The following ADAMTS17 variants were observed in gnomAD, a reference collection of about 807,000 sequenced individuals.
ADAMTS17 encodes the protein A disintegrin and metalloproteinase with thrombospondin motifs 17.
Under a neutral mutation model 141.5 loss-of-function variants are expected in ADAMTS17, and 113 were observed. The observed-to-expected ratio is 0.80, with a 90% CI of 0.69 to 0.93. ADAMTS17 has a LOEUF of 0.93. ADAMTS17 is among the 40% of genes least tolerant of loss of function. The pLI, the probability that ADAMTS17 is intolerant of heterozygous loss-of-function variation, is 0.00. For missense variants in ADAMTS17, 1,659 were observed against 1,517.9 expected (o/e 1.09, Z -1.54); for synonymous variants, 768 against 630.6 (o/e 1.22, Z -3.27).
chr15:100,296,636 C>T (rs746463257), intron 3 of ADAMTS17, among the ~76,000 whole-genome samples: 27 of 151,784 alleles, frequency 1.8e-4, no homozygotes, highest in Non-Finnish European at 2.6e-4. Flanking sequence ...CGCGCACGTG[C>T]ATTTACGATA....
At chr15:100,313,299 T>C (rs1373563954) in intron 3 of ADAMTS17, among the ~76,000 whole-genome samples, 1 of 152,126 alleles carries the variant, frequency 6.6e-6, no homozygotes, top group Non-Finnish European at 1.5e-5. Flanking sequence ...CAGAATGCAA[T>C]AACACTCTGA....
intron 7 of ADAMTS17, among the ~76,000 whole-genome samples, chr15:100,204,846 C>G (rs2041470693): frequency 6.6e-6 from 1 of 152,168 alleles, no homozygotes; most frequent in Non-Finnish European, 1.5e-5. Flanking sequence ...ACCTTCATTT[C>G]CACTGCCAGC....
chr15:100,294,321 A>T (rs954258605), intron 3 of ADAMTS17, among the ~76,000 whole-genome samples: 2 of 152,192 alleles, frequency 1.3e-5, no homozygotes, highest in Non-Finnish European at 2.9e-5. Flanking sequence ...CAAGAGCTCC[A>T]GTCTGAACAC....
At chr15:100,007,366 G>A (rs1047032792) in intron 18 of ADAMTS17, among the ~76,000 whole-genome samples, 4 of 152,148 alleles carry the variant, frequency 2.6e-5, no homozygotes, top group Admixed American at 6.5e-5. Flanking sequence ...GCAAGATGAT[G>A]GCTTTCCCCA....
intron 18 of ADAMTS17, among the ~76,000 whole-genome samples, chr15:100,023,547 C>T (rs566181005): frequency 6.6e-6 from 1 of 152,148 alleles, no homozygotes; most frequent in South Asian, 2.1e-4. Flanking sequence ...TATCCCACTC[C>T]CTGGTGAAAT....
intron 14 of ADAMTS17, among the ~76,000 whole-genome samples, chr15:100,096,726 G>A (rs1213656568): frequency 2.0e-5 from 3 of 152,240 alleles, no homozygotes; most frequent in African/African-American, 7.2e-5. Context: ...TCTGGAGGGA[G>A]ATCCATGAAG....
chr15:100,076,111 C>T (rs2034356263), intron 15 of ADAMTS17, among the ~76,000 whole-genome samples: 1 of 152,092 alleles, frequency 6.6e-6, no homozygotes, highest in South Asian at 2.1e-4. Flanking sequence ...GCCGTGATCT[C>T]AGCTCAATGC....
chr15:100,278,032 CAT>C, intron 4 of ADAMTS17, among the ~76,000 whole-genome samples: 1 of 152,228 alleles, frequency 6.6e-6, no homozygotes. Flanking sequence ...TGAAATAAGC[CAT>C]TTGTCCACAA....
At position 100,199,326 on chromosome 15, in the gene ADAMTS17, C is replaced by T; in HGVS notation, c.1173G>A (p.Leu391=). The T allele has an allele frequency of 6.2e-7, 1 of 1,614,150 alleles. No homozygotes were observed. Among genetic ancestry groups the T allele is most frequent in the East Asian group, 2.2e-5 (1 of 44,886 alleles). Residue 391 remains leucine, a synonymous_variant, in exon 8 of 22, where the codon CTG becomes CTA. Coordinates refer to ENST00000268070, the MANE Select transcript of ADAMTS17 (RefSeq NM_139057.4). ...LNLAFTIAHE[L]GHNLGMNHDD... ...CAGAGTCTGATACTTACTTGTGGCC[C>T]AGCTCATGGGCGATGGTAAAGGCCA...
At chr15:100,182,060 G>A (rs1472295709) in intron 8 of ADAMTS17, among the ~76,000 whole-genome samples, 2 of 152,198 alleles carry the variant, frequency 1.3e-5, no homozygotes, top group Admixed American at 6.5e-5. Flanking sequence ...GCTCAGCCCG[G>A]TTTTGCTTTC....
intron 5 of ADAMTS17, among the ~76,000 whole-genome samples, chr15:100,261,942 C>T (rs117824649): frequency 2.0e-5 from 3 of 152,136 alleles, no homozygotes; most frequent in Non-Finnish European, 4.4e-5. Flanking sequence ...GGTGGCTTGA[C>T]CCGGCAGGTA....
chr15:99,977,401 A>ATTTTT (rs71151928), intron 20 of ADAMTS17, among the ~76,000 whole-genome samples: 2 of 5,154 alleles, frequency 3.9e-4, no homozygotes, highest in African/African-American at 6.2e-4. Flanking sequence ...TATATATATA[A>ATTTTT]TTTTTTTTTT....
At chr15:100,258,152 C>G (rs146077197) in intron 6 of ADAMTS17, among the ~76,000 whole-genome samples, 60 of 152,362 alleles carry the variant, frequency 3.9e-4, no homozygotes, top group African/African-American at 1.4e-3. Flanking sequence ...CACCTCTTGG[C>G]TGTCATGAAT....
intron 8 of ADAMTS17, among the ~76,000 whole-genome samples, chr15:100,188,985 G>A (rs1363847419): frequency 6.6e-6 from 1 of 152,264 alleles, no homozygotes; most frequent in African/African-American, 2.4e-5. Flanking sequence ...GCATCGGACT[G>A]AGGAATGAGT....
chr15:100,156,026 T>G (rs1309083690), intron 8 of ADAMTS17, among the ~76,000 whole-genome samples: 2 of 152,212 alleles, frequency 1.3e-5, no homozygotes. Flanking sequence ...CCCCAACGTG[T>G]ATAAGGATGA....
intron 15 of ADAMTS17, among the ~76,000 whole-genome samples, chr15:100,091,679 A>C (rs2035479311): frequency 6.6e-6 from 1 of 152,212 alleles, no homozygotes; most frequent in Non-Finnish European, 1.5e-5. Context: ...CAGGAGCATT[A>C]ACCATCTTTG....
At chr15:100,105,768 T>C (rs917789838) in intron 14 of ADAMTS17, among the ~76,000 whole-genome samples, 1 of 151,928 alleles carries the variant, frequency 6.6e-6, no homozygotes, top group Non-Finnish European at 1.5e-5. Context: ...GCTCACTGCA[T>C]CCTCCACTTC....
rs545766028 is a variant in ADAMTS17 at position 99,993,018 on chromosome 15, C to T, written c.2949+30G>A. On this transcript the variant is annotated intron_variant, in intron 20 of 21. Coordinates refer to ENST00000268070, the MANE Select transcript of ADAMTS17 (RefSeq NM_139057.4). The surrounding 1 kb of genome is among the most constrained non-coding windows in gnomAD (Gnocchi z 4.3). ...CCCTCGAGCCCCCTGCACTGCGGCA[C>T]GGAGAGAAATGCCAGCAGGCTGCTC... 6.9e-5 allele frequency: 112 copies of T among 1,613,772 alleles called. 1 individual carries two copies. Among genetic ancestry groups the T allele is most frequent in the South Asian group, 3.5e-4 (32 of 91,068 alleles).
intron 15 of ADAMTS17, among the ~76,000 whole-genome samples, chr15:100,085,647 C>A (rs1596381645): frequency 6.6e-6 from 1 of 151,960 alleles, no homozygotes; most frequent in Non-Finnish European, 1.5e-5. Flanking sequence ...GAGCTGATCT[C>A]TCGGCAGAAA....
Sources: gnomAD v4.1 joint callset for allele counts (sites outside exome capture counted in the v4.1 genomes callset) on GRCh38, gnomAD v4.1.1 for gene constraint, Gnocchi (gnomAD v3.1) non-coding constraint, MANE v1.5 for transcripts, NCBI Gene and HGNC (gene_info 2026-07-23, HGNC 2026-07-21) for gene names.